Variants in ADAM10 observed in about 807,000 individuals in gnomAD.
The protein encoded by ADAM10 is disintegrin and metalloproteinase domain-containing protein 10.
A neutral mutation model predicts 90.1 loss-of-function variants in ADAM10; 17 were observed. The observed-to-expected ratio is 0.19, with a 90% CI of 0.13 to 0.28. The LOEUF is 0.28. Among genes scored for constraint, ADAM10 ranks in the 10% least tolerant of loss-of-function variants. ADAM10 has a pLI of 1.00. For synonymous variants in ADAM10, 310 were observed against 298.6 expected, an observed-to-expected ratio of 1.04 and a Z score of -0.40; for missense variants, 610 against 914.3, an observed-to-expected ratio of 0.67 and a Z score of 4.29.
chr15:58,708,800 A>G (rs1898383939), intron 2 of ADAM10, among the ~76,000 whole-genome samples: 1 of 152,216 alleles, frequency 6.6e-6, no homozygotes, highest in Non-Finnish European at 1.5e-5. Flanking sequence ...TTACTAGTGC[A>G]AAGTGATTAT....
At chr15:58,732,666 GCTGTTGCA>G (rs1200702739) in intron 1 of ADAM10, 1 of 149,600 alleles carries the variant, frequency 6.7e-6, no homozygotes, top group Non-Finnish European at 1.5e-5. Flanking sequence ...CCGAGATCTT[GCTGTTGCA>G]CTCCAGCATG....
chr15:58,740,766 T>C (rs1250542778), intron 1 of ADAM10, among the ~76,000 whole-genome samples: 2 of 152,196 alleles, frequency 1.3e-5, no homozygotes, highest in African/African-American at 2.4e-5. Flanking sequence ...AAATTCGTAA[T>C]AGGCATTTTA....
rs778661987 is a variant in ADAM10 at position 58,610,359 on chromosome 15, C to A, written c.1963G>T (p.Ala655Ser). The change falls in exon 14 of 16, where the codon GCT becomes TCT. Residue 655 changes from alanine to serine, a missense_variant. Physicochemically the swap from Ala to Ser is moderately conservative, Grantham distance 99. Around this residue, in one of 4 missense-constraint regions of ADAM10, gnomAD observed 150 missense variants for 268.5 expected, o/e 0.56. Transcript: ENST00000260408. ...CRLVDADGPLARLKKAIFSPE... is the reference protein window; with the variant it reads ...CRLVDADGPLSRLKKAIFSPE... ...CTAAAAATTGCTTTTTTAAGCCTAG[C>A]TAGAGGACCATCAGCATCTACTAAT... is the stretch of plus-strand genomic sequence containing the variant. The A allele has an allele frequency of 1.2e-6, 2 of 1,614,132 alleles. No individual in the cohort carries two copies. Among genetic ancestry groups the A allele is most frequent in the South Asian group, 1.1e-5 (1 of 91,084 alleles).
intron 10 of ADAM10, among the ~76,000 whole-genome samples, chr15:58,626,462 A>G (rs1449087382): frequency 1.3e-5 from 2 of 152,152 alleles, no homozygotes; most frequent in Non-Finnish European, 2.9e-5. Flanking sequence ...TGTTTCCCCT[A>G]AAGAAACCTA....
chr15:58,671,642 G>A (rs7170314), intron 4 of ADAM10, among the ~76,000 whole-genome samples: 40,282 of 152,036 alleles, frequency 0.26, 7,751 homozygotes, highest in African/African-American at 0.55. Flanking sequence ...AGGAGTCCGC[G>A]GCAGGAGGAT....
intron 5 of ADAM10, among the ~76,000 whole-genome samples, chr15:58,664,509 G>A (rs549233160): frequency 3.5e-4 from 53 of 152,098 alleles, no homozygotes; most frequent in African/African-American, 1.2e-3. Flanking sequence ...AAATATTCAT[G>A]GCTCAAGAAA....
rs570260726 is a variant in ADAM10, at chr15:58,589,037, A to G, written c.*8510T>C. The G allele has an allele frequency of 2.0e-5, 3 of 152,366 alleles. No individual in the cohort carries two copies. Among genetic ancestry groups the G allele is most frequent in the African/African-American group, 7.2e-5 (3 of 41,588 alleles). 9.4% of individuals were successfully genotyped at this position (152,366 alleles called of 1,614,324 possible). On this transcript the variant is annotated 3_prime_UTR_variant, in exon 16 of 16. Transcript: ENST00000260408. ...GCTGCCACAGGATTTAGAATGAGATATGTTAAAAGTTAAAAATACAGCTGT... is the reference window on the plus strand; with the variant it reads ...GCTGCCACAGGATTTAGAATGAGATGTGTTAAAAGTTAAAAATACAGCTGT...
At chr15:58,711,201 A>T (rs1401545109) in intron 2 of ADAM10, among the ~76,000 whole-genome samples, 3 of 152,196 alleles carry the variant, frequency 2.0e-5, no homozygotes, top group Non-Finnish European at 2.9e-5. Flanking sequence ...GCACTTAAGG[A>T]AAGTTTTTGG....
chr15:58,605,234 G>A (rs1057494683), intron 14 of ADAM10, among the ~76,000 whole-genome samples: 1 of 152,176 alleles, frequency 6.6e-6, no homozygotes, highest in South Asian at 2.1e-4. Flanking sequence ...GTTCCTTCTA[G>A]CACAGTGTTC....
intron 5 of ADAM10, among the ~76,000 whole-genome samples, chr15:58,651,910 G>A (rs1896698253): frequency 1.3e-5 from 2 of 152,114 alleles, no homozygotes; most frequent in African/African-American, 4.8e-5. Flanking sequence ...ACCAGCGTTT[G>A]TTATTGCCTG....
intron 10 of ADAM10, among the ~76,000 whole-genome samples, chr15:58,624,119 C>T (rs1345127533): frequency 2.0e-5 from 3 of 151,890 alleles, no homozygotes; most frequent in Admixed American, 6.6e-5. Flanking sequence ...CCCCGTCTCT[C>T]CTAAAAATAC....
chr15:58,633,114 C>T, intron 9 of ADAM10, 82 bp downstream of exon 9: 1 of 1,345,900 alleles, frequency 7.4e-7, no homozygotes, highest in Admixed American at 1.8e-5. Context: ...CATTTGTTTT[C>T]ACGGTGAATT....
chr15:58,741,206 C>T (rs1187026734), intron 1 of ADAM10, among the ~76,000 whole-genome samples: 1 of 152,076 alleles, frequency 6.6e-6, no homozygotes, highest in Admixed American at 6.6e-5. Flanking sequence ...GCAAATTTGC[C>T]TAAAATGCAA....
intron 2 of ADAM10, among the ~76,000 whole-genome samples, chr15:58,694,482 G>A (rs752991318): frequency 3.9e-5 from 6 of 152,014 alleles, no homozygotes; most frequent in African/African-American, 7.2e-5. Flanking sequence ...AAGGCCAGGC[G>A]AGTTGGCTAG....
intron 2 of ADAM10, among the ~76,000 whole-genome samples, chr15:58,696,166 C>T (rs1360388532): frequency 4.0e-5 from 6 of 151,734 alleles, no homozygotes; most frequent in Non-Finnish European, 7.4e-5. Flanking sequence ...GTGGCACACG[C>T]TACTCCCAGC....
intron 2 of ADAM10, among the ~76,000 whole-genome samples, chr15:58,702,061 G>A (rs191763907): frequency 9.9e-5 from 15 of 152,078 alleles, no homozygotes; most frequent in East Asian, 9.6e-4. Flanking sequence ...AGCCGAGATC[G>A]CACCATTGCA....
At chr15:58,659,303 G>A (rs574464553) in intron 5 of ADAM10, among the ~76,000 whole-genome samples, 2 of 151,966 alleles carry the variant, frequency 1.3e-5, no homozygotes, top group South Asian at 4.2e-4. Flanking sequence ...TTTTATTCCT[G>A]GTCTCAAAGG....
chr15:58,645,163 C>A (rs1896515145), intron 6 of ADAM10, among the ~76,000 whole-genome samples: 1 of 152,180 alleles, frequency 6.6e-6, no homozygotes, highest in Non-Finnish European at 1.5e-5. Context: ...TAACAATAAT[C>A]ATTTCAAAGG....
At chr15:58,693,034 C>T (rs771545392) in intron 2 of ADAM10, 13 of 765,266 alleles carry the variant, frequency 1.7e-5, no homozygotes, top group Non-Finnish European at 3.1e-5. Context: ...GCTCTCATAG[C>T]GAATCTTGTC....
Sources: allele counts gnomAD v4.1 joint callset (sites outside exome capture counted in the v4.1 genomes callset), GRCh38; gene constraint gnomAD v4.1.1; regional missense constraint gnomAD v4.1.1; transcripts MANE v1.5; gene names NCBI Gene and HGNC (gene_info 2026-07-23, HGNC 2026-07-21).